SYT9: variants seen among roughly 807,000 people sequenced by gnomAD.
SYT9 encodes the protein synaptotagmin 9, also known as synaptotagmin-9.
In SYT9, 22 loss-of-function variants were observed where a neutral mutation model predicts 48.4. The observed-to-expected ratio is 0.45, with a 90% CI of 0.32 to 0.65. The LOEUF is 0.65. SYT9 is among the 30% of genes least tolerant of loss of function. The probability of loss-of-function intolerance (pLI) is 0.03; values close to 1 mark genes in which losing one functional copy is unlikely to be tolerated. For missense variants in SYT9, 577 were observed against 622.0 expected, an observed-to-expected ratio of 0.93 and a Z score of 0.77; for synonymous variants, 265 against 245.0, an observed-to-expected ratio of 1.08 and a Z score of -0.76.
chr11:7,282,399 A>G (rs538346411), intron 1 of SYT9, among the ~76,000 whole-genome samples: 4 of 152,288 alleles, frequency 2.6e-5, no homozygotes, highest in South Asian at 2.1e-4. Flanking sequence ...AACTGATTCC[A>G]TGGTCCTGGC....
Position 7,325,427 on chromosome 11 carries a change from G to A in SYT9, c.1044+11486G>A, listed in dbSNP as rs1394002535. On this transcript the variant is annotated intron_variant, in intron 3 of 6. Transcript: ENST00000318881. Reference sequence around the variant, plus strand: ...GGCTCTCTGTTTGTCTGTTGTTGGTGTATAGGAATGCTTGTGATTTTTGTA... The same window carrying A: ...GGCTCTCTGTTTGTCTGTTGTTGGTATATAGGAATGCTTGTGATTTTTGTA... Among the ~76,000 whole-genome samples, 3 of 130,950 alleles carry A rather than the reference G, an allele frequency of 2.3e-5. No individual in the cohort carries two copies. In the East Asian group the frequency reaches 6.5e-4, roughly 28 times the overall value. The allele number at this position is 130,950 out of a possible 152,430, so 85.9% of individuals were successfully genotyped here. A position where few individuals can be genotyped will look rare whatever the true frequency, so the allele number is the denominator to read the frequency against.
At chr11:7,239,880 G>T (rs1181864072) in intron 1 of SYT9, among the ~76,000 whole-genome samples, 2 of 152,132 alleles carry the variant, frequency 1.3e-5, no homozygotes, top group Admixed American at 1.3e-4. Context: ...TTGAGATGAA[G>T]GTGAAGTTAC....
At chr11:7,344,719 A>G (rs1849770385) in intron 3 of SYT9, among the ~76,000 whole-genome samples, 1 of 152,146 alleles carries the variant, frequency 6.6e-6, no homozygotes, top group African/African-American at 2.4e-5. Flanking sequence ...ATAATTGATC[A>G]TATATATGAG....
intron 1 of SYT9, among the ~76,000 whole-genome samples, chr11:7,258,968 A>G (rs542519300): frequency 1.4e-3 from 218 of 152,208 alleles, no homozygotes; most frequent in Admixed American, 2.6e-3. Flanking sequence ...AGTAAAATGT[A>G]TTACTAGTAT....
intron 3 of SYT9, among the ~76,000 whole-genome samples, chr11:7,397,367 G>T (rs1250965801): frequency 6.6e-6 from 1 of 152,068 alleles, no homozygotes; most frequent in African/African-American, 2.4e-5. Context: ...TCTTCATTTT[G>T]TTCCATTGAG....
At chr11:7,445,225 G>C (rs1847904722) in intron 6 of SYT9, among the ~76,000 whole-genome samples, 1 of 152,166 alleles carries the variant, frequency 6.6e-6, no homozygotes, top group South Asian at 2.1e-4. Context: ...GGTAAACTTT[G>C]ATAATTGATA....
intron 3 of SYT9, among the ~76,000 whole-genome samples, chr11:7,377,433 G>C (rs1442653673): frequency 6.6e-6 from 1 of 152,040 alleles, no homozygotes; most frequent in Non-Finnish European, 1.5e-5. Context: ...AATTGCACTG[G>C]ACCCAGAGGG....
chr11:7,449,516 G>T (rs1848004145), intron 6 of SYT9, among the ~76,000 whole-genome samples: 1 of 152,056 alleles, frequency 6.6e-6, no homozygotes, highest in Non-Finnish European at 1.5e-5. Flanking sequence ...TTACATGAAG[G>T]ATTAAGGATG....
chr11:7,410,780 GATA>G (rs1181031282), intron 3 of SYT9, among the ~76,000 whole-genome samples: 1 of 152,088 alleles, frequency 6.6e-6, no homozygotes, highest in Non-Finnish European at 1.5e-5. Context: ...CATATAGTTG[GATA>G]ATGTTTTCTT....
In SYT9 at chr11:7,261,770, G is replaced by A. The variant is rs945558886; in HGVS notation, c.145+9439G>A. The stretch of plus-strand genomic sequence containing the variant: ...GTCTCAAGGCAGGAGCATGCTTGAC[G>A]TGTTCAGATATTAGCCAAGGGTTAG... On this transcript the variant is annotated intron_variant, in intron 1 of 6. Transcript: ENST00000318881. 3.9e-5 allele frequency among the ~76,000 whole-genome samples: 6 copies of A among 152,008 alleles called. No homozygotes were observed. In the South Asian group the frequency reaches 6.2e-4, roughly 16 times the overall value.
At chr11:7,465,704 C>T (rs1324450149) in intron 6 of SYT9, 3 of 156,864 alleles carry the variant, frequency 1.9e-5, no homozygotes, top group Non-Finnish European at 4.2e-5. Flanking sequence ...ACGCTGCTGA[C>T]AAAGACATAT....
intron 6 of SYT9, among the ~76,000 whole-genome samples, chr11:7,432,567 AAAAAAAAAAAAAAAAATATATATAC>A (rs1847606349): frequency 1.5e-4 from 2 of 13,170 alleles, no homozygotes; most frequent in Non-Finnish European, 2.6e-4. Flanking sequence ...AAAAAAAAAA[AAAAAAAAAAAAAAAAATATATATAC>A]ATATATATAT....
rs868714263 is a variant in SYT9 at position 7,432,610 on chromosome 11, T to A, written c.1467+11975T>A. On this transcript the variant is annotated intron_variant, in intron 6 of 6. Transcript: ENST00000318881. The stretch of plus-strand genomic sequence containing the variant: ...ATATATACATATATATATATATATA[T>A]ATATATATATATATATATATATATA... Among the ~76,000 whole-genome samples, 9 of 24,058 alleles carry A rather than the reference T, an allele frequency of 3.7e-4. 2 individuals carry two copies. The highest frequency in any genetic ancestry group is 2.8e-3 in the Admixed American group (7 of 2,530). The allele number at this position is 24,058 out of a possible 152,430, so 15.8% of individuals were successfully genotyped here.
At position 7,366,176 on chromosome 11, in the gene SYT9, A is replaced by G. The variant is rs77754137; in HGVS notation, c.1045-49866A>G. Among the ~76,000 whole-genome samples the G allele has an allele frequency of 9.5e-3, 1,451 of 152,202 alleles. 28 individuals carry two copies. The highest frequency in any genetic ancestry group is 0.033 in the African/African-American group (1,385 of 41,526). On this transcript the variant is annotated intron_variant, in intron 3 of 6. Transcript: ENST00000318881. ...CATCTTGGTCTCTCTATGGCTAGCA[A>G]TTTCTCTAAGCTCTGACATACCTGG...
intron 3 of SYT9, among the ~76,000 whole-genome samples, chr11:7,393,190 A>T (rs1298621421): frequency 6.6e-6 from 1 of 151,994 alleles, no homozygotes; most frequent in Non-Finnish European, 1.5e-5. Context: ...TCTTAAGGGG[A>T]ATGCTACCAG....
intron 3 of SYT9, among the ~76,000 whole-genome samples, chr11:7,353,414 G>C (rs1244250543): frequency 1.3e-5 from 2 of 152,192 alleles, no homozygotes; most frequent in African/African-American, 4.8e-5. Context: ...GTGGGCAGCA[G>C]CTTCCCCAGG....
chr11:7,272,695 A>C (rs1166006017), intron 1 of SYT9, among the ~76,000 whole-genome samples: 1 of 152,194 alleles, frequency 6.6e-6, no homozygotes, highest in African/African-American at 2.4e-5. Context: ...CAATAAGGGA[A>C]AGTGTGGTTT....
chr11:7,324,631 A>G (rs1386741), intron 3 of SYT9, among the ~76,000 whole-genome samples: 151,839 of 152,036 alleles, frequency 1, 75,821 homozygotes, highest in Middle Eastern at 1. Context: ...CTAGCATCAA[A>G]TATGAGTTTT....
chr11:7,450,759 C>G (rs766886847), intron 6 of SYT9, among the ~76,000 whole-genome samples: 2 of 152,180 alleles, frequency 1.3e-5, no homozygotes, highest in African/African-American at 2.4e-5. Context: ...TTTAACTTTT[C>G]TTTTCCTTCT....
Sources: gnomAD v4.1 joint callset for allele counts (sites outside exome capture counted in the v4.1 genomes callset) on GRCh38, gnomAD v4.1.1 for gene constraint, MANE v1.5 for transcripts, NCBI Gene and HGNC (gene_info 2026-07-23, HGNC 2026-07-21) for gene names.